ASAP2: variants seen among roughly 807,000 people sequenced by gnomAD.
The protein encoded by ASAP2 is ArfGAP with SH3 domain, ankyrin repeat and PH domain 2.
In ASAP2, 45 loss-of-function variants were observed where a neutral mutation model predicts 131.4. The ratio of observed to expected loss-of-function variants is 0.34; its 90% CI spans 0.27 to 0.44. The LOEUF is 0.44. Ranked by LOEUF, ASAP2 falls within the 20% of genes least tolerant of loss-of-function variation. The pLI, the probability that ASAP2 is intolerant of heterozygous loss-of-function variation, is 1.00. For synonymous variants in ASAP2, 510 were observed against 503.0 expected (o/e 1.01, Z -0.19); for missense variants, 1,011 against 1,297.0 (o/e 0.78, Z 3.39).
At chr2:9,248,382 T>C (rs1489256507) in intron 1 of ASAP2, among the ~76,000 whole-genome samples, 1 of 152,194 alleles carries the variant, frequency 6.6e-6, no homozygotes, top group African/African-American at 2.4e-5. Flanking sequence ...CATTTTTTTT[T>C]TTCTTCTGGG....
chr2:9,258,848 A>G (rs1665367431), intron 1 of ASAP2, among the ~76,000 whole-genome samples: 1 of 152,232 alleles, frequency 6.6e-6, no homozygotes, highest in Non-Finnish European at 1.5e-5. Context: ...CAAACTAAAC[A>G]TAGCAGCATT....
chr2:9,287,034 A>G (rs1298505013), intron 2 of ASAP2, among the ~76,000 whole-genome samples: 1 of 152,242 alleles, frequency 6.6e-6, no homozygotes, highest in African/African-American at 2.4e-5. Context: ...CCATTGACAG[A>G]TGAGCTCACA....
intron 1 of ASAP2, among the ~76,000 whole-genome samples, chr2:9,276,779 A>C (rs1666787104): frequency 6.6e-6 from 1 of 152,078 alleles, no homozygotes; most frequent in Non-Finnish European, 1.5e-5. Flanking sequence ...ACCTCAAGTG[A>C]TCCTCCCACC....
At chr2:9,226,641 G>A (rs558550243) in intron 1 of ASAP2, among the ~76,000 whole-genome samples, 16 of 152,224 alleles carry the variant, frequency 1.1e-4, no homozygotes, top group African/African-American at 2.9e-4. Context: ...TCAGGCTGCC[G>A]TGGGGAGGAC....
At chr2:9,351,716 G>A (rs943350680) in intron 12 of ASAP2, among the ~76,000 whole-genome samples, 1 of 152,170 alleles carries the variant, frequency 6.6e-6, no homozygotes, top group African/African-American at 2.4e-5. Context: ...CAGTTGACCT[G>A]TATTATTGAG....
At chr2:9,291,402 G>T (rs982006336) in intron 2 of ASAP2, among the ~76,000 whole-genome samples, 1 of 152,188 alleles carries the variant, frequency 6.6e-6, no homozygotes, top group African/African-American at 2.4e-5. Flanking sequence ...AAGAAACAGG[G>T]ATGATGTTTG....
At chr2:9,325,678 T>C (rs1256781462) in intron 6 of ASAP2, among the ~76,000 whole-genome samples, 1 of 152,226 alleles carries the variant, frequency 6.6e-6, no homozygotes, top group East Asian at 1.9e-4. Context: ...TGGTTACTAC[T>C]TCTCTTCTGT....
At chr2:9,282,671 TC>T (rs1667202008) in intron 2 of ASAP2, among the ~76,000 whole-genome samples, 1 of 152,204 alleles carries the variant, frequency 6.6e-6, no homozygotes, top group Non-Finnish European at 1.5e-5. Context: ...CAAAGGCAAT[TC>T]CTGTATAGGA....
intron 1 of ASAP2, among the ~76,000 whole-genome samples, chr2:9,209,815 T>A (rs1434952576): frequency 6.6e-6 from 1 of 152,232 alleles, no homozygotes; most frequent in Non-Finnish European, 1.5e-5. Context: ...GTGATCCACC[T>A]GCCTCAGCCT....
At chr2:9,287,579 C>G (rs998621768) in intron 2 of ASAP2, among the ~76,000 whole-genome samples, 3 of 152,180 alleles carry the variant, frequency 2.0e-5, no homozygotes, top group Admixed American at 1.3e-4. Context: ...AGGAGGCTTT[C>G]ACAAGAGCAA....
chr2:9,258,339 T>G (rs1486915505), intron 1 of ASAP2, among the ~76,000 whole-genome samples: 6 of 151,326 alleles, frequency 4.0e-5, no homozygotes, highest in Non-Finnish European at 8.9e-5. Context: ...GTAGTTGTTT[T>G]TTTTTTTTTT....
In ASAP2 at chr2:9,257,070, C is replaced by T. The variant is rs375415297; in HGVS notation, c.127-22247C>T. 1.4e-4 allele frequency among the ~76,000 whole-genome samples: 21 copies of T among 152,356 alleles called. 1 individual carries two copies. Among genetic ancestry groups the T allele is most frequent in the African/African-American group, 4.8e-4 (20 of 41,584 alleles). On this transcript the variant is annotated intron_variant, in intron 1 of 27. Coordinates refer to ENST00000281419, the MANE Select transcript of ASAP2 (RefSeq NM_003887.3). ...CTCCAGGGTGTCTTTCCCTAACAGCCTGTCACAGGGCGTTTGGTAGAAACT... is the reference window on the plus strand; with the variant it reads ...CTCCAGGGTGTCTTTCCCTAACAGCTTGTCACAGGGCGTTTGGTAGAAACT...
intron 12 of ASAP2, among the ~76,000 whole-genome samples, chr2:9,352,146 C>G (rs1439625861): frequency 6.6e-6 from 1 of 151,998 alleles, no homozygotes; most frequent in African/African-American, 2.4e-5. Context: ...GAGGATCACC[C>G]AAGCTCAGGA....
intron 14 of ASAP2, 23 bp downstream of exon 14, chr2:9,356,368 C>T (rs748592272): frequency 6.4e-7 from 1 of 1,554,404 alleles, no homozygotes; most frequent in East Asian, 2.2e-5. Flanking sequence ...CCCCACCCGA[C>T]CCTGGGCTCT....
chr2:9,236,599 C>T (rs560755162), intron 1 of ASAP2, among the ~76,000 whole-genome samples: 9 of 151,748 alleles, frequency 5.9e-5, no homozygotes, highest in Admixed American at 3.3e-4. Flanking sequence ...GATTTTTTAC[C>T]GGAGAGGCAA....
intron 15 of ASAP2, among the ~76,000 whole-genome samples, chr2:9,361,654 G>A (rs570351400): frequency 1.3e-5 from 2 of 151,904 alleles, no homozygotes; most frequent in South Asian, 4.2e-4. Flanking sequence ...TGCAACCTCT[G>A]CCTCCTGGGT....
At chr2:9,401,053 G>C (rs1207302760) in intron 26 of ASAP2, among the ~76,000 whole-genome samples, 3 of 152,064 alleles carry the variant, frequency 2.0e-5, no homozygotes, top group African/African-American at 7.2e-5. Flanking sequence ...CGGCCGCTTC[G>C]TTTCCCAGCC....
intron 1 of ASAP2, among the ~76,000 whole-genome samples, chr2:9,245,380 A>T (rs1368575256): frequency 6.6e-6 from 1 of 152,178 alleles, no homozygotes; most frequent in African/African-American, 2.4e-5. Context: ...CTGCCTGGCC[A>T]CTTCTTCGGC....
chr2:9,376,715 A>T, intron 17 of ASAP2, among the ~76,000 whole-genome samples, 193 bp from the exon 18 acceptor site: 1 of 152,190 alleles, frequency 6.6e-6, no homozygotes, highest in East Asian at 1.9e-4. Context: ...GAGAAACAGG[A>T]CGAATCTCCA....
Sources: allele counts gnomAD v4.1 joint callset (sites outside exome capture counted in the v4.1 genomes callset), GRCh38; gene constraint gnomAD v4.1.1; transcripts MANE v1.5; gene names NCBI Gene and HGNC (gene_info 2026-07-23, HGNC 2026-07-21).